ATG10: variants seen among roughly 807,000 people sequenced by gnomAD.
ATG10 encodes the protein autophagy related 10, also known as ubiquitin-like-conjugating enzyme ATG10.
In ATG10, 30 loss-of-function variants were observed where a neutral mutation model predicts 32.1. The ratio of observed to expected loss-of-function variants is 0.94; its 90% CI spans 0.70 to 1.27. ATG10 has a LOEUF of 1.27. Among genes scored for constraint, ATG10 ranks in the 50% most tolerant of loss-of-function variants. The probability of loss-of-function intolerance (pLI) is 0.00; values close to 1 mark genes in which losing one functional copy is unlikely to be tolerated. For synonymous variants in ATG10, 87 were observed against 91.5 expected (o/e 0.95, Z 0.28); for missense variants, 233 against 262.3 (o/e 0.89, Z 0.77).
intron 5 of ATG10, among the ~76,000 whole-genome samples, chr5:82,205,448 G>C (rs1745253328): frequency 6.6e-6 from 1 of 152,152 alleles, no homozygotes; most frequent in Non-Finnish European, 1.5e-5. Context: ...AGGAGGAAGG[G>C]AAGATAGGAG....
At chr5:82,169,743 A>C (rs1743730866) in intron 4 of ATG10, among the ~76,000 whole-genome samples, 1 of 152,218 alleles carries the variant, frequency 6.6e-6, no homozygotes, top group Admixed American at 6.5e-5. Flanking sequence ...AATTAAAAAG[A>C]GATTCTAGGG....
chr5:82,135,742 G>T (rs1443924874), intron 3 of ATG10, among the ~76,000 whole-genome samples: 1 of 152,134 alleles, frequency 6.6e-6, no homozygotes, highest in Non-Finnish European at 1.5e-5. Flanking sequence ...GGTCCACTTG[G>T]TCCAGAGCCG....
At chr5:82,171,092 C>CCT (rs1743790424) in intron 4 of ATG10, among the ~76,000 whole-genome samples, 1 of 152,070 alleles carries the variant, frequency 6.6e-6, no homozygotes. Context: ...ATGTTGCTTC[C>CCT]CTTGGGACCA....
intron 2 of ATG10, among the ~76,000 whole-genome samples, chr5:82,042,839 C>T (rs1485090768): frequency 6.6e-6 from 1 of 152,194 alleles, no homozygotes; most frequent in Non-Finnish European, 1.5e-5. Flanking sequence ...TTGGGCAGCT[C>T]CGCCTCTGTG....
intron 3 of ATG10, among the ~76,000 whole-genome samples, chr5:82,145,710 CTTT>C (rs573735182): frequency 2.8e-5 from 4 of 142,752 alleles, no homozygotes; most frequent in East Asian, 2.0e-4. Flanking sequence ...ACATTATAGT[CTTT>C]TTTTTTTTTT....
At chr5:82,002,265 T>C (rs1036339408) in intron 2 of ATG10, among the ~76,000 whole-genome samples, 7 of 152,240 alleles carry the variant, frequency 4.6e-5, no homozygotes, top group Admixed American at 2.6e-4. Context: ...AATTACCATT[T>C]GACGCAGCAA....
In ATG10 at chr5:82,010,129, C is replaced by A; in HGVS notation, c.108+22451C>A. On this transcript the variant is annotated intron_variant, in intron 2 of 7. Coordinates refer to ENST00000282185, the MANE Select transcript of ATG10 (RefSeq NM_031482.5). ...ACACAGTTTTCCTCGGCGGCGTCAT[C>A]TGCAAAGCCGCTTTCTTATATTTCT... The A allele has an allele frequency of 2.6e-5, 39 of 1,504,304 alleles. 1 individual carries two copies. The South Asian group carries it at 4.3e-4, about 17-fold the overall frequency. 93.2% of individuals were successfully genotyped at this position (1,504,304 alleles called of 1,614,324 possible).
At chr5:81,978,931 G>C (rs1041154065) in intron 1 of ATG10, among the ~76,000 whole-genome samples, 1 of 151,508 alleles carries the variant, frequency 6.6e-6, no homozygotes, top group Non-Finnish European at 1.5e-5. Flanking sequence ...ATGGAGTCTC[G>C]CTTTGTCGCC....
At chr5:82,138,683 G>A (rs181953075) in intron 3 of ATG10, among the ~76,000 whole-genome samples, 1 of 152,192 alleles carries the variant, frequency 6.6e-6, no homozygotes, top group East Asian at 1.9e-4. Flanking sequence ...CTTGCCCGGG[G>A]ATCCATGGAT....
intron 2 of ATG10, among the ~76,000 whole-genome samples, chr5:82,048,663 A>G (rs1174940462): frequency 6.6e-6 from 1 of 152,172 alleles, no homozygotes; most frequent in Non-Finnish European, 1.5e-5. Context: ...ACAGAGGGCT[A>G]ATATCCAGAA....
intron 2 of ATG10, among the ~76,000 whole-genome samples, chr5:82,022,061 T>C (rs1029062131): frequency 5.4e-5 from 8 of 147,708 alleles, no homozygotes; most frequent in Admixed American, 2.7e-4. Context: ...TGGTGGCGCA[T>C]GCCTGTAATC....
At chr5:82,223,082 A>T (rs1745991695) in intron 5 of ATG10, among the ~76,000 whole-genome samples, 1 of 152,228 alleles carries the variant, frequency 6.6e-6, no homozygotes, top group African/African-American at 2.4e-5. Context: ...AGAGTTATAG[A>T]TGCAGACGAG....
rs1434185761 is a variant in ATG10 at position 82,049,397 on chromosome 5, G to T, written c.109-9098G>T. Among the ~76,000 whole-genome samples the T allele has an allele frequency of 2.5e-4, 31 of 125,226 alleles. 2 individuals carry two copies. Among genetic ancestry groups the T allele is most frequent in the Non-Finnish European group, 2.8e-4 (17 of 61,014 alleles). 82.2% of individuals were successfully genotyped at this position (125,226 alleles called of 152,430 possible). ...GGAACATCACACTCTGGGGACTGTT[G>T]TGGGGGTGGGGGGAGGGGGGGAGGG... On this transcript the variant is annotated intron_variant, in intron 2 of 7. Transcript: ENST00000282185.
At chr5:82,231,651 T>C (rs1326507102) in intron 5 of ATG10, among the ~76,000 whole-genome samples, 4 of 152,308 alleles carry the variant, frequency 2.6e-5, no homozygotes, top group Non-Finnish European at 2.9e-5. Context: ...AGAAGGAGAA[T>C]CACATATTTT....
chr5:82,165,762 G>A (rs541530387), intron 4 of ATG10, among the ~76,000 whole-genome samples: 1 of 152,322 alleles, frequency 6.6e-6, no homozygotes, highest in East Asian at 1.9e-4. Context: ...TTGTCAGTGA[G>A]CTGTGCTATA....
intron 3 of ATG10, among the ~76,000 whole-genome samples, chr5:82,144,479 G>A (rs1345567648): frequency 1.3e-5 from 2 of 151,532 alleles, no homozygotes; most frequent in African/African-American, 4.8e-5. Flanking sequence ...CACTGATTTA[G>A]CTGCATTCCA....
intron 5 of ATG10, among the ~76,000 whole-genome samples, chr5:82,225,085 T>C (rs1358710341): frequency 6.6e-6 from 1 of 152,242 alleles, no homozygotes; most frequent in Non-Finnish European, 1.5e-5. Flanking sequence ...TCTGCAGGTA[T>C]TTAGTTGACC....
At chr5:82,178,637 C>A in intron 5 of ATG10, 50 bp downstream of exon 5, 6 of 1,220,352 alleles carry the variant, frequency 4.9e-6, no homozygotes, top group South Asian at 1.2e-5. Flanking sequence ...TATTCTTTCC[C>A]GCTGCTCATC....
intron 5 of ATG10, among the ~76,000 whole-genome samples, chr5:82,188,889 C>T (rs1306689430): frequency 6.6e-6 from 1 of 152,084 alleles, no homozygotes; most frequent in African/African-American, 2.4e-5. Context: ...CCACTTTCTA[C>T]TCCCTTCAAC....
Sources: gnomAD v4.1 joint callset for allele counts (sites outside exome capture counted in the v4.1 genomes callset) on GRCh38, gnomAD v4.1.1 for gene constraint, MANE v1.5 for transcripts, NCBI Gene and HGNC (gene_info 2026-07-23, HGNC 2026-07-21) for gene names.